Variants in SEMA3A observed in about 807,000 individuals in gnomAD.
SEMA3A encodes semaphorin-3A.
SEMA3A carries 29 observed loss-of-function variants against 97.9 expected under a neutral mutation model. That is an observed-to-expected ratio of 0.30 (90% CI 0.22 to 0.40). The LOEUF (loss-of-function observed/expected upper bound fraction) is 0.40, where lower values mean the gene tolerates loss of function less well. Among genes scored for constraint, SEMA3A ranks in the 10% least tolerant of loss-of-function variants. The pLI, the probability that SEMA3A is intolerant of heterozygous loss-of-function variation, is 1.00. For missense variants in SEMA3A, 763 were observed against 951.3 expected, an observed-to-expected ratio of 0.80 and a Z score of 2.60; for synonymous variants, 321 against 323.7, an observed-to-expected ratio of 0.99 and a Z score of 0.09.
At chr7:84,229,897 C>G (rs1230581163) in intron 3 of SEMA3A, among the ~76,000 whole-genome samples, 2 of 151,878 alleles carry the variant, frequency 1.3e-5, no homozygotes, top group African/African-American at 2.4e-5. Context: ...ATATGTCCCC[C>G]TTTTGCTTTG....
chr7:84,450,380 G>C (rs146375383), intron 1 of SEMA3A, among the ~76,000 whole-genome samples: 31 of 152,296 alleles, frequency 2.0e-4, no homozygotes, highest in Admixed American at 3.3e-4. Flanking sequence ...GAGATGAAGA[G>C]GAACTTTCTG....
chr7:84,078,757 T>C (rs1366013535), intron 4 of SEMA3A, among the ~76,000 whole-genome samples: 2 of 151,926 alleles, frequency 1.3e-5, no homozygotes, highest in Non-Finnish European at 1.5e-5. Flanking sequence ...TATATACACA[T>C]ATATATACAC....
chr7:83,977,316 A>G, intron 14 of SEMA3A, 120 bp from the exon 15 acceptor site: 1 of 435,850 alleles, frequency 2.3e-6, no homozygotes, highest in Non-Finnish European at 3.9e-6. Context: ...AGTAACTTAC[A>G]GGAACAGATG....
intron 1 of SEMA3A, among the ~76,000 whole-genome samples, chr7:84,485,043 T>G (rs1806540495): frequency 6.6e-6 from 1 of 152,216 alleles, no homozygotes; most frequent in Non-Finnish European, 1.5e-5. Flanking sequence ...ACATTGCTCA[T>G]TTGTAAAATG....
intron 1 of SEMA3A, among the ~76,000 whole-genome samples, chr7:84,465,445 T>C (rs903326602): frequency 1.3e-5 from 2 of 152,144 alleles, no homozygotes; most frequent in Admixed American, 1.3e-4. Context: ...GATCTATTAT[T>C]GACTTTCTTT....
intron 3 of SEMA3A, among the ~76,000 whole-genome samples, chr7:84,284,027 G>A (rs573994665): frequency 6.6e-5 from 10 of 152,042 alleles, no homozygotes; most frequent in Admixed American, 2.0e-4. Context: ...ATGCTAAGTC[G>A]CATACAAAAG....
intron 6 of SEMA3A, among the ~76,000 whole-genome samples, chr7:84,015,803 T>C (rs1050202195): frequency 2.0e-4 from 31 of 152,320 alleles, no homozygotes; most frequent in Non-Finnish European, 3.1e-4. Context: ...CATTCAAGTA[T>C]ATTTCACAAG....
intron 16 of SEMA3A, among the ~76,000 whole-genome samples, chr7:83,962,690 A>T (rs906250554): frequency 1.3e-5 from 2 of 152,196 alleles, no homozygotes; most frequent in African/African-American, 4.8e-5. Flanking sequence ...TCAAATGAGC[A>T]GGGAGATCTG....
chr7:84,485,884 G>C (rs1366070146), intron 1 of SEMA3A, among the ~76,000 whole-genome samples: 1 of 152,108 alleles, frequency 6.6e-6, no homozygotes, highest in African/African-American at 2.4e-5. Context: ...GTACAGAAGA[G>C]GCTCATTTAG....
intron 4 of SEMA3A, among the ~76,000 whole-genome samples, chr7:84,082,786 G>GA (rs1046070496): frequency 6.6e-6 from 1 of 151,794 alleles, no homozygotes. Flanking sequence ...AAAAAAAGTA[G>GA]AAAAACTACA....
At chr7:84,038,490 TGA>T (rs746484408) in intron 6 of SEMA3A, among the ~76,000 whole-genome samples, 1 of 152,062 alleles carries the variant, frequency 6.6e-6, no homozygotes, top group Non-Finnish European at 1.5e-5. Context: ...AACAACCAAA[TGA>T]GAGAGAAACT....
At chr7:84,455,565 T>G (rs1805667222) in intron 1 of SEMA3A, among the ~76,000 whole-genome samples, 1 of 152,004 alleles carries the variant, frequency 6.6e-6, no homozygotes, top group South Asian at 2.1e-4. Context: ...GTTAGTGATA[T>G]CAACAGTTGG....
intron 3 of SEMA3A, among the ~76,000 whole-genome samples, chr7:84,240,805 T>C (rs911017280): frequency 1.3e-5 from 2 of 152,156 alleles, no homozygotes; most frequent in Non-Finnish European, 2.9e-5. Flanking sequence ...CCTCCCTGGG[T>C]CCATGTGTTC....
chr7:84,225,273 T>C (rs1798963999), intron 3 of SEMA3A, among the ~76,000 whole-genome samples: 1 of 152,126 alleles, frequency 6.6e-6, no homozygotes, highest in African/African-American at 2.4e-5. Context: ...ATGAACAGCA[T>C]GTAATTCAAT....
At chr7:84,242,035 G>A (rs1799376012) in intron 3 of SEMA3A, among the ~76,000 whole-genome samples, 1 of 152,158 alleles carries the variant, frequency 6.6e-6, no homozygotes, top group African/African-American at 2.4e-5. Flanking sequence ...CTGTGGCCTT[G>A]TAGTATAGTT....
intron 4 of SEMA3A, among the ~76,000 whole-genome samples, chr7:84,070,504 G>A (rs893766095): frequency 2.6e-5 from 4 of 152,014 alleles, no homozygotes; most frequent in South Asian, 4.1e-4. Context: ...TGATTAAAAC[G>A]TAAATGATGT....
At chr7:84,248,206 T>C (rs924726029) in intron 3 of SEMA3A, among the ~76,000 whole-genome samples, 1 of 152,248 alleles carries the variant, frequency 6.6e-6, no homozygotes, top group African/African-American at 2.4e-5. Flanking sequence ...CCCATGTTGA[T>C]ATTTTCCCTC....
intron 1 of SEMA3A, among the ~76,000 whole-genome samples, chr7:84,470,209 T>C (rs1176324052): frequency 6.6e-6 from 1 of 152,092 alleles, no homozygotes; most frequent in Non-Finnish European, 1.5e-5. Flanking sequence ...AAAGAATTTG[T>C]AAACCCTCTT....
At chr7:84,208,555 C>T (rs953130555) in intron 3 of SEMA3A, among the ~76,000 whole-genome samples, 2 of 152,060 alleles carry the variant, frequency 1.3e-5, no homozygotes, top group African/African-American at 4.8e-5. Flanking sequence ...TATACAGCAA[C>T]CATCTACATG....
Sources: allele counts gnomAD v4.1 joint callset (sites outside exome capture counted in the v4.1 genomes callset), GRCh38; gene constraint gnomAD v4.1.1; transcripts MANE v1.5; gene names NCBI Gene and HGNC (gene_info 2026-07-23, HGNC 2026-07-21).